Variants in GABRR3 observed in about 807,000 individuals in gnomAD.
The protein encoded by GABRR3 is gamma-aminobutyric acid type A receptor subunit rho3.
In GABRR3, 29 loss-of-function variants were observed where a neutral mutation model predicts 43.2. That is an observed-to-expected ratio of 0.67 (90% CI 0.50 to 0.92). The LOEUF is 0.92. GABRR3 is among the 40% of genes least tolerant of loss of function. The pLI is 0.00. For synonymous variants in GABRR3, 206 were observed against 195.9 expected (o/e 1.05, Z -0.43); for missense variants, 576 against 572.3 (o/e 1.01, Z -0.07).
exon 5 of GABRR3, chr3:98,012,452 A>T (rs752918321): frequency 1.2e-6 from 2 of 1,613,894 alleles, no homozygotes; most frequent in Non-Finnish European, 1.7e-6. Context: ...GATATCAGGC[A>T]CCCAGATCTT....
At chr3:98,019,852 C>T (rs1325856197) in intron 3 of GABRR3, among the ~76,000 whole-genome samples, 3 of 152,186 alleles carry the variant, frequency 2.0e-5, no homozygotes, top group Non-Finnish European at 4.4e-5. Context: ...GCATGAATCA[C>T]TGCACCTGGC....
chr3:97,988,847 T>C (rs1286644843), intron 9 of GABRR3, among the ~76,000 whole-genome samples: 1 of 142,244 alleles, frequency 7.0e-6, no homozygotes, highest in Non-Finnish European at 1.5e-5. Flanking sequence ...TGGTGACAGT[T>C]GATGGTGAGT....
intron 3 of GABRR3, among the ~76,000 whole-genome samples, chr3:98,023,501 T>C (rs1706976591): frequency 1.3e-5 from 2 of 152,122 alleles, no homozygotes; most frequent in Admixed American, 6.5e-5. Context: ...GGAAATATTT[T>C]AAAGATCTTT....
intron 2 of GABRR3, among the ~76,000 whole-genome samples, chr3:98,029,341 T>C (rs1280103285): frequency 1.3e-5 from 2 of 152,152 alleles, no homozygotes; most frequent in Non-Finnish European, 2.9e-5. Flanking sequence ...GAAACTCTAC[T>C]GTAATTGTGT....
intron 8 of GABRR3, chr3:98,000,861 C>T (rs1465822893): frequency 6.6e-6 from 1 of 152,088 alleles, no homozygotes; most frequent in Non-Finnish European, 1.5e-5. Context: ...AACATGTCAT[C>T]TAAGTGCTTA....
At chr3:98,027,023 A>G (rs1269179741) in intron 2 of GABRR3, among the ~76,000 whole-genome samples, 2 of 152,364 alleles carry the variant, frequency 1.3e-5, no homozygotes, top group East Asian at 3.9e-4. Context: ...AATGAGTTTT[A>G]TTTTAAACAT....
chr3:98,009,825 G>A (rs1706765950), intron 5 of GABRR3, among the ~76,000 whole-genome samples: 1 of 152,266 alleles, frequency 6.6e-6, no homozygotes, highest in East Asian at 1.9e-4. Context: ...GTCTGCTGTG[G>A]GCTAATTCTA....
At chr3:98,015,416 G>A (rs1396682076) in intron 4 of GABRR3, among the ~76,000 whole-genome samples, 2 of 152,128 alleles carry the variant, frequency 1.3e-5, no homozygotes, top group African/African-American at 2.4e-5. Context: ...GGCTGGTCTC[G>A]AACTCCTGAC....
chr3:98,031,225 C>T (rs1039701371), intron 2 of GABRR3, among the ~76,000 whole-genome samples: 1 of 152,200 alleles, frequency 6.6e-6, no homozygotes, highest in African/African-American at 2.4e-5. Context: ...ACAGTTCCCA[C>T]ATCTCACTTG....
At chr3:97,990,855 G>A (rs999811887) in intron 9 of GABRR3, among the ~76,000 whole-genome samples, 6 of 152,188 alleles carry the variant, frequency 3.9e-5, no homozygotes, top group Admixed American at 3.3e-4. Flanking sequence ...AAGAGCTCTG[G>A]AGATTGGTTG....
At chr3:97,990,140 A>C (rs1288812824) in intron 9 of GABRR3, among the ~76,000 whole-genome samples, 2 of 152,076 alleles carry the variant, frequency 1.3e-5, no homozygotes, top group African/African-American at 4.8e-5. Context: ...TCTGGGCACT[A>C]CTCACAATAA....
intron 9 of GABRR3, among the ~76,000 whole-genome samples, chr3:97,991,551 C>T (rs977406352): frequency 6.6e-6 from 1 of 152,208 alleles, no homozygotes; most frequent in Non-Finnish European, 1.5e-5. Context: ...ACAAAATCAG[C>T]TCTTATTAGA....
chr3:97,986,200 T>C (rs551549575), downstream of GABRR3, among the ~76,000 whole-genome samples: 86 of 152,296 alleles, frequency 5.6e-4, no homozygotes, highest in African/African-American at 2.0e-3. Flanking sequence ...AATACTTGAC[T>C]GGAGAAGGAG....
intron 6 of GABRR3, 36 bp downstream of exon 6, chr3:98,008,920 T>C: frequency 7.9e-7 from 1 of 1,258,128 alleles, no homozygotes; most frequent in South Asian, 1.3e-5. Context: ...TGTGTTCAAA[T>C]GATGTGCACT....
chr3:98,022,331 T>C (rs545834137), intron 3 of GABRR3, among the ~76,000 whole-genome samples: 1 of 152,348 alleles, frequency 6.6e-6, no homozygotes, highest in East Asian at 1.9e-4. Context: ...AGTCAATTAA[T>C]CTTCTAATGC....
chr3:97,991,650 T>C (rs570540926), intron 9 of GABRR3, among the ~76,000 whole-genome samples: 16 of 152,368 alleles, frequency 1.1e-4, no homozygotes, highest in Middle Eastern at 3.4e-3. Flanking sequence ...GAGAATCTGT[T>C]GGCAAATCAC....
At chr3:97,990,382 G>A (rs756321612) in intron 9 of GABRR3, among the ~76,000 whole-genome samples, 29 of 151,036 alleles carry the variant, frequency 1.9e-4, no homozygotes, top group Non-Finnish European at 3.8e-4. Context: ...TTATTCTGTC[G>A]TCCAGGCTGG....
chr3:97,989,513 G>A (rs533577359), intron 9 of GABRR3, among the ~76,000 whole-genome samples: 1 of 151,952 alleles, frequency 6.6e-6, no homozygotes, highest in East Asian at 1.9e-4. Context: ...ATGATGGTGG[G>A]TGGTGGATGG....
chr3:98,001,723 C>CA lies in GABRR3; in HGVS notation c.798dup (p.Val267CysfsTer26), dbSNP rs1490340684. On this transcript the variant is annotated frameshift_variant, in exon 8 of 10. Coordinates refer to ENST00000621172, the Ensembl canonical transcript of GABRR3. LOFTEE classifies it high-confidence loss of function. ...TAGGTTTGCAGCACAAAGAAGAAAA[C>CA]ATGCCTCCTTAGCACAAAGTTGATG... is the stretch of plus-strand genomic sequence containing the variant. The CA allele has an allele frequency of 6.2e-7, 1 of 1,613,078 alleles. No homozygotes were observed. The highest frequency in any genetic ancestry group is 8.5e-7 in the Non-Finnish European group (1 of 1,179,432).
Sources: allele counts gnomAD v4.1 joint callset (sites outside exome capture counted in the v4.1 genomes callset), GRCh38; gene constraint gnomAD v4.1.1; transcripts MANE v1.5; gene names NCBI Gene and HGNC (gene_info 2026-07-23, HGNC 2026-07-21).